TMPRSS15: variants seen among roughly 807,000 people sequenced by gnomAD.
The protein encoded by TMPRSS15 is transmembrane serine protease 15, also known as enteropeptidase.
In TMPRSS15, 128 loss-of-function variants were observed where a neutral mutation model predicts 125.3. The ratio of observed to expected loss-of-function variants is 1.02; its 90% confidence interval spans 0.89 to 1.18. The LOEUF (loss-of-function observed/expected upper bound fraction) is 1.18. Among genes scored for constraint, TMPRSS15 ranks in the 50% most tolerant of loss-of-function variants. TMPRSS15 has a pLI of 0.00. For missense variants in TMPRSS15, 1,283 were observed against 1,212.7 expected (o/e 1.06, Z -0.86); for synonymous variants, 446 against 423.2 (o/e 1.05, Z -0.66).
In TMPRSS15 at chr21:18,445,766, T is replaced by C. The variant is rs534262136; in HGVS notation, c.10+40033A>G. On this transcript the variant is annotated intron_variant, in intron 1 of 7. Coordinates refer to the TMPRSS15 transcript ENST00000422787. ...TTTGGTAAAACCCAACATTCTTTTATGATAAAACCTGCCAACAAACTGGAG... is the reference window on the plus strand; with the variant it reads ...TTTGGTAAAACCCAACATTCTTTTACGATAAAACCTGCCAACAAACTGGAG... 5.3e-5 allele frequency among the ~76,000 whole-genome samples: 8 copies of C among 152,348 alleles called. No homozygotes were observed. The South Asian group carries it at 6.2e-4, about 12-fold the overall frequency.
At chr21:18,451,927 A>T (rs1978345974) in intron 1 of TMPRSS15, among the ~76,000 whole-genome samples, 1 of 152,164 alleles carries the variant, frequency 6.6e-6, no homozygotes, top group Non-Finnish European at 1.5e-5. Flanking sequence ...GCATAATTTT[A>T]TGTATGCAAA....
Position 18,279,311 on chromosome 21 carries a change from CTTTTTTTTTTTT to C in TMPRSS15, c.2669-264_2669-253del, listed in dbSNP as rs71189593. 1.9e-3 allele frequency among the ~76,000 whole-genome samples: 78 copies of C among 41,126 alleles called. 2 individuals carry two copies. Among genetic ancestry groups the C allele is most frequent in the African/African-American group, 4.9e-3 (67 of 13,672 alleles). The allele number at this position is 41,126 out of a possible 152,430, so 27.0% of individuals were successfully genotyped here. On this transcript the variant is annotated intron_variant, in intron 22 of 24. Transcript: ENST00000284885. ...GTCTTTTACTAGTCTCCTCGTTACTCTTTTTTTTTTTTTTTTTTTTTTTTTTTTTTTTGAGAC... is the reference window on the plus strand; with the variant it reads ...GTCTTTTACTAGTCTCCTCGTTACTCTTTTTTTTTTTTTTTTTTTTGAGAC...
intron 18 of TMPRSS15, among the ~76,000 whole-genome samples, chr21:18,309,754 G>T (rs1022213452): frequency 1.3e-5 from 2 of 152,138 alleles, no homozygotes; most frequent in Non-Finnish European, 2.9e-5. Flanking sequence ...AGTTAGAACG[G>T]TGATCATCAA....
At chr21:18,317,485 G>A (rs2146945806) in intron 16 of TMPRSS15, among the ~76,000 whole-genome samples, 1 of 152,152 alleles carries the variant, frequency 6.6e-6, no homozygotes, top group Admixed American at 6.5e-5. Flanking sequence ...AGCAAACCAA[G>A]TGTGGGATGC....
intron 7 of TMPRSS15, among the ~76,000 whole-genome samples, chr21:18,363,144 A>G (rs2824774): frequency 0.55 from 83,618 of 151,900 alleles, 23,370 homozygotes; most frequent in East Asian, 0.86. Flanking sequence ...CAACTATTTG[A>G]TACAATGCAT....
Position 18,471,738 on chromosome 21 carries a change from G to A in TMPRSS15, c.10+14061C>T, listed in dbSNP as rs569228817. 2.5e-3 allele frequency among the ~76,000 whole-genome samples: 380 copies of A among 152,132 alleles called. 4 individuals are homozygous for A. Among genetic ancestry groups the A allele is most frequent in the Non-Finnish European group, 4.7e-3 (321 of 67,980 alleles). On this transcript the variant is annotated intron_variant, in intron 1 of 7. Transcript: ENST00000422787. Reference sequence around the variant, plus strand: ...AAAATTCTGCATGCCCATACCATAGGCAAAATCAATGCAAAAAGTTGTCTG... The same window carrying A: ...AAAATTCTGCATGCCCATACCATAGACAAAATCAATGCAAAAAGTTGTCTG...
chr21:18,455,388 T>G (rs1978422141), intron 1 of TMPRSS15, among the ~76,000 whole-genome samples: 1 of 152,174 alleles, frequency 6.6e-6, no homozygotes, highest in Admixed American at 6.6e-5. Flanking sequence ...ATAATCATAG[T>G]CCTTTATGGA....
At chr21:18,388,396 A>C (rs975781703) in intron 3 of TMPRSS15, among the ~76,000 whole-genome samples, 6 of 152,178 alleles carry the variant, frequency 3.9e-5, no homozygotes, top group African/African-American at 1.4e-4. Context: ...ATATCAGAAA[A>C]ATTTGGGATT....
intron 18 of TMPRSS15, among the ~76,000 whole-genome samples, chr21:18,305,289 C>T (rs898927194): frequency 6.9e-5 from 10 of 144,568 alleles, no homozygotes; most frequent in African/African-American, 5.1e-5. Flanking sequence ...CCCGGGTTCA[C>T]GCCATTCTCC....
At chr21:18,322,531 A>T (rs1362436115) in intron 16 of TMPRSS15, among the ~76,000 whole-genome samples, 1 of 152,190 alleles carries the variant, frequency 6.6e-6, no homozygotes, top group Admixed American at 6.5e-5. Flanking sequence ...TGCATAATGG[A>T]ATATTATGCA....
chr21:18,446,845 G>A (rs540479444), intron 1 of TMPRSS15, among the ~76,000 whole-genome samples: 2 of 152,126 alleles, frequency 1.3e-5, no homozygotes, highest in South Asian at 2.1e-4. Flanking sequence ...AAAAACAGGG[G>A]GAAAGCTCCA....
intron 10 of TMPRSS15, among the ~76,000 whole-genome samples, chr21:18,345,719 C>A (rs7283087): frequency 0.94 from 99,763 of 106,216 alleles, 47,254 homozygotes; most frequent in South Asian, 1. Flanking sequence ...CCAGCCTAGG[C>A]GACAGAGTGA....
Position 18,294,256 on chromosome 21 carries a change from G to A in TMPRSS15, c.2486+14C>T. The A allele has an allele frequency of 6.2e-7, 1 of 1,613,932 alleles. No homozygotes were observed. Among genetic ancestry groups the A allele is most frequent in the African/African-American group, 1.3e-5 (1 of 75,048 alleles). ...TGACCTAGTTTGGGAAGGGACACTT[G>A]ACATCACACTCACCCATACACGCAG... On this transcript the variant is annotated intron_variant, in intron 21 of 24. Transcript: ENST00000284885.
At chr21:18,407,448 CTTTTTTTTTT>C (rs201740388), upstream of TMPRSS15, among the ~76,000 whole-genome samples, 1 of 133,196 alleles carries the variant, frequency 7.5e-6, no homozygotes, top group Non-Finnish European at 1.6e-5. Flanking sequence ...TTTTTCTTTT[CTTTTTTTTTT>C]TTTTTTTTGA....
rs369233950 is a variant in TMPRSS15 at position 18,294,660 on chromosome 21, A to G, written c.2262-8T>C. ...TCCTGTAAACACTGTTGACTGTAATAGAAGAACAATCATATTTTTAAAATT... is the reference window on the plus strand; with the variant it reads ...TCCTGTAAACACTGTTGACTGTAATGGAAGAACAATCATATTTTTAAAATT... On this transcript the variant is annotated splice_polypyrimidine_tract_variant and splice_region_variant and intron_variant, in intron 19 of 24. Coordinates refer to ENST00000284885, the MANE Select transcript of TMPRSS15 (RefSeq NM_002772.3). 7.2e-5 allele frequency: 115 copies of G among 1,606,518 alleles called. No individual in the cohort carries two copies. The highest frequency in any genetic ancestry group is 9.1e-5 in the Non-Finnish European group (107 of 1,173,286).
At position 18,417,040 on chromosome 21, in the gene TMPRSS15, T is replaced by C. The variant is rs146117317; in HGVS notation, c.11-18711A>G. ...TTAATTTTTATGTATAAGATAGTAA[T>C]TTTAACTGTGCTTGAATATCAAACC... On this transcript the variant is annotated intron_variant, in intron 1 of 7. Transcript: ENST00000422787. 2.1e-3 allele frequency among the ~76,000 whole-genome samples: 324 copies of C among 152,214 alleles called. 1 individual carries two copies. The highest frequency in any genetic ancestry group is 7.5e-3 in the African/African-American group (311 of 41,572).
At chr21:18,327,678 T>A (rs2075305670) in intron 15 of TMPRSS15, among the ~76,000 whole-genome samples, 1 of 152,186 alleles carries the variant, frequency 6.6e-6, no homozygotes, top group African/African-American at 2.4e-5. Flanking sequence ...TTAGATCAGA[T>A]TTTACAATAC....
chr21:18,352,916 A>T lies in TMPRSS15; in HGVS notation c.1158T>A (p.Phe386Leu), dbSNP rs753362127. ...PFTGPNFDHT[F>L]GNASGFYIST... ...AATGAATTATACCTGAAGCATTGCC[A>T]AAAGTGTGGTCAAAATTGGGTCCAG... Residue 386 changes from phenylalanine (F) to leucine (L), a missense_variant, in exon 10 of 25, where the codon TTT (phenylalanine) becomes TTA (leucine). Coordinates refer to ENST00000284885, the MANE Select transcript of TMPRSS15 (RefSeq NM_002772.3). The T allele has an allele frequency of 6.2e-7, 1 of 1,612,308 alleles. No individual in the cohort carries two copies. Among genetic ancestry groups the T allele is most frequent in the Admixed American group, 1.7e-5 (1 of 59,942 alleles).
chr21:18,274,191 T>C (rs1401751930), intron 24 of TMPRSS15, among the ~76,000 whole-genome samples: 3 of 152,190 alleles, frequency 2.0e-5, no homozygotes, highest in Non-Finnish European at 4.4e-5. Context: ...TAATAAAAAC[T>C]GTTAACATTT....
Sources: allele counts gnomAD v4.1 joint callset (sites outside exome capture counted in the v4.1 genomes callset), GRCh38; gene constraint gnomAD v4.1.1; transcripts MANE v1.5; gene names NCBI Gene and HGNC (gene_info 2026-07-23, HGNC 2026-07-21).